TNS3: variants seen among roughly 807,000 people sequenced by gnomAD.
The protein encoded by TNS3 is tensin 3, also known as tensin-3.
TNS3 carries 45 observed loss-of-function variants against 140.9 expected under a neutral mutation model. The ratio of observed to expected loss-of-function variants is 0.32; its 90% CI spans 0.25 to 0.41. The LOEUF (loss-of-function observed/expected upper bound fraction) is 0.41. Among genes scored for constraint, TNS3 ranks in the 10% least tolerant of loss-of-function variants. TNS3 has a pLI of 1.00. For missense variants in TNS3, 1,716 were observed against 1,906.7 expected, an observed-to-expected ratio of 0.90 and a Z score of 1.86; for synonymous variants, 815 against 788.4, an observed-to-expected ratio of 1.03 and a Z score of -0.56.
intron 3 of TNS3, among the ~76,000 whole-genome samples, chr7:47,481,881 C>G (rs76364493): frequency 6.6e-6 from 1 of 152,188 alleles, no homozygotes; most frequent in Non-Finnish European, 1.5e-5. Flanking sequence ...AGGACCTTGG[C>G]CTTTAATCTC....
At chr7:47,444,217 G>A (rs1795608483) in intron 4 of TNS3, among the ~76,000 whole-genome samples, 1 of 152,110 alleles carries the variant, frequency 6.6e-6, no homozygotes, top group Non-Finnish European at 1.5e-5. Flanking sequence ...CATGGTCCTG[G>A]GTCTTACATG....
chr7:47,282,572 C>T (rs1785203320), intron 28 of TNS3, among the ~76,000 whole-genome samples: 1 of 152,292 alleles, frequency 6.6e-6, no homozygotes, highest in South Asian at 2.1e-4. Flanking sequence ...TGACCCTGTC[C>T]CTGCGTGTGC....
chr7:47,494,230 C>T (rs1797918433), intron 3 of TNS3, among the ~76,000 whole-genome samples: 1 of 152,208 alleles, frequency 6.6e-6, no homozygotes, highest in Non-Finnish European at 1.5e-5. Flanking sequence ...GTATGCCAAT[C>T]CTAACAGGTC....
chr7:47,316,361 G>T (rs1267180886), intron 20 of TNS3, among the ~76,000 whole-genome samples: 1 of 151,998 alleles, frequency 6.6e-6, no homozygotes, highest in Non-Finnish European at 1.5e-5. Flanking sequence ...TAAACCATGG[G>T]GTGTTGGGCA....
intron 20 of TNS3, among the ~76,000 whole-genome samples, chr7:47,325,956 G>T (rs1788003149): frequency 6.6e-6 from 1 of 152,172 alleles, no homozygotes; most frequent in Non-Finnish European, 1.5e-5. Context: ...GCTGCAAACT[G>T]CCTTTTTAGA....
chr7:47,491,471 G>T (rs1235143902), intron 3 of TNS3, among the ~76,000 whole-genome samples: 1 of 152,092 alleles, frequency 6.6e-6, no homozygotes, highest in Non-Finnish European at 1.5e-5. Context: ...TGAACCTCAA[G>T]CTCATAGGAA....
intron 10 of TNS3, among the ~76,000 whole-genome samples, chr7:47,422,218 A>G (rs947657751): frequency 2.6e-5 from 4 of 152,206 alleles, no homozygotes; most frequent in African/African-American, 9.7e-5. Context: ...AGAGGGATTA[A>G]CCTTGGAATG....
chr7:47,306,113 C>G (rs1018817668), intron 20 of TNS3, among the ~76,000 whole-genome samples: 1 of 152,162 alleles, frequency 6.6e-6, no homozygotes, highest in Non-Finnish European at 1.5e-5. Flanking sequence ...ACCAGAATCA[C>G]ACTTTATAAA....
chr7:47,572,122 C>T (rs1301058192), intron 1 of TNS3, among the ~76,000 whole-genome samples: 1 of 152,214 alleles, frequency 6.6e-6, no homozygotes, highest in Non-Finnish European at 1.5e-5. Flanking sequence ...ACAAGCTGAG[C>T]TGATGTGGAA....
chr7:47,475,541 G>C (rs1023485580), intron 4 of TNS3, among the ~76,000 whole-genome samples: 22 of 152,366 alleles, frequency 1.4e-4, no homozygotes, highest in African/African-American at 4.6e-4. Context: ...CCCGGGGGGG[G>C]GGCCAGGCCC....
At chr7:47,487,209 G>A (rs1446010916) in intron 3 of TNS3, among the ~76,000 whole-genome samples, 1 of 151,886 alleles carries the variant, frequency 6.6e-6, no homozygotes, top group Non-Finnish European at 1.5e-5. Context: ...TGAGACAGGA[G>A]AATTGCTTGA....
intron 17 of TNS3, among the ~76,000 whole-genome samples, chr7:47,360,621 G>A (rs1790258482): frequency 6.6e-6 from 1 of 152,172 alleles, no homozygotes; most frequent in African/African-American, 2.4e-5. Flanking sequence ...GAATAAAGGT[G>A]ACCCTGGGCT....
intron 2 of TNS3, among the ~76,000 whole-genome samples, chr7:47,527,389 AG>A (rs1799236220): frequency 6.6e-6 from 1 of 152,216 alleles, no homozygotes; most frequent in African/African-American, 2.4e-5. Context: ...TGGGACACAG[AG>A]GGGCTGCTGT....
In TNS3 at chr7:47,398,228, C is replaced by A. The variant is rs187663609; in HGVS notation, c.920-1324G>T. 3.5e-3 allele frequency among the ~76,000 whole-genome samples: 529 copies of A among 152,168 alleles called. 2 individuals are homozygous for A. Among genetic ancestry groups the A allele is most frequent in the African/African-American group, 0.012 (499 of 41,518 alleles). ...TGGATTCACAGCTGAATTCTACCAT[C>A]CATTCAAAGAAGAACTGGTGCCAAT... On this transcript the variant is annotated intron_variant, in intron 15 of 30. Transcript: ENST00000311160.
At chr7:47,506,966 A>T (rs1366588497) in intron 2 of TNS3, 22 bp from the exon 3 acceptor site, 14 of 1,286,624 alleles carry the variant, frequency 1.1e-5, no homozygotes, top group Non-Finnish European at 1.4e-5. Context: ...AAAAAGAGAA[A>T]GAATGTGTGT....
chr7:47,565,094 T>C (rs1485926176), intron 1 of TNS3, among the ~76,000 whole-genome samples: 2 of 151,894 alleles, frequency 1.3e-5, no homozygotes, highest in African/African-American at 4.8e-5. Context: ...TTTTTTTTTT[T>C]TGAGACAGAG....
chr7:47,476,826 A>G (rs1469341168), intron 4 of TNS3, among the ~76,000 whole-genome samples: 1 of 152,214 alleles, frequency 6.6e-6, no homozygotes, highest in Non-Finnish European at 1.5e-5. Context: ...CCAAGTTGAC[A>G]TTCACAAAGG....
intron 4 of TNS3, among the ~76,000 whole-genome samples, chr7:47,460,991 A>C (rs1440317620): frequency 6.6e-6 from 1 of 152,232 alleles, no homozygotes; most frequent in African/African-American, 2.4e-5. Context: ...TGAGAAAATA[A>C]GTTTATTGAG....
chr7:47,429,743 G>GC (rs1338493633), intron 8 of TNS3, among the ~76,000 whole-genome samples: 1 of 152,174 alleles, frequency 6.6e-6, no homozygotes, highest in African/African-American at 2.4e-5. Context: ...AAAAGGCAGG[G>GC]CCTCTAATAT....
Sources: gnomAD v4.1 joint callset for allele counts (sites outside exome capture counted in the v4.1 genomes callset) on GRCh38, gnomAD v4.1.1 for gene constraint, MANE v1.5 for transcripts, NCBI Gene and HGNC (gene_info 2026-07-23, HGNC 2026-07-21) for gene names.